LRMDA: variants seen among roughly 807,000 people sequenced by gnomAD.
LRMDA encodes the protein leucine rich melanocyte differentiation associated.
A neutral mutation model predicts 29.8 loss-of-function variants in LRMDA; 18 were observed. That is an observed-to-expected ratio of 0.60 (90% CI 0.42 to 0.90). LRMDA has a LOEUF of 0.90. Ranked by LOEUF, LRMDA falls within the 40% of genes least tolerant of loss-of-function variation. The pLI is 0.00. For missense variants in LRMDA, 273 were observed against 273.9 expected (o/e 1.00, Z 0.02); for synonymous variants, 125 against 109.4 (o/e 1.14, Z -0.89).
chr10:75,737,053 G>A (rs950366250), intron 2 of LRMDA, among the ~76,000 whole-genome samples: 6 of 150,702 alleles, frequency 4.0e-5, no homozygotes, highest in Non-Finnish European at 5.9e-5. Context: ...ACACATGCAC[G>A]CACGCACGCA....
chr10:75,590,849 G>A (rs986460606), intron 2 of LRMDA, among the ~76,000 whole-genome samples: 3 of 141,710 alleles, frequency 2.1e-5, no homozygotes, highest in African/African-American at 8.0e-5. Flanking sequence ...CCGGGTTCAA[G>A]TGGTTCTCCT....
At chr10:75,652,944 A>G (rs1174740808) in intron 2 of LRMDA, among the ~76,000 whole-genome samples, 1 of 152,212 alleles carries the variant, frequency 6.6e-6, no homozygotes, top group Non-Finnish European at 1.5e-5. Context: ...CTGCTAGAGA[A>G]GTGGTGACTA....
At chr10:76,168,550 AT>A (rs991703822) in intron 5 of LRMDA, among the ~76,000 whole-genome samples, 33 of 152,316 alleles carry the variant, frequency 2.2e-4, no homozygotes, top group African/African-American at 6.7e-4. Flanking sequence ...TGAATCATCA[AT>A]TTCAGTTTGT....
rs566105554 is a variant in LRMDA at position 76,085,289 on chromosome 10, A to G, written c.516+26506A>G. ...TACATCTGGGGACAAATAATCCGAA[A>G]CACAGATATTCAATGGGAGGAAGAT... On this transcript the variant is annotated intron_variant, in intron 5 of 6. Coordinates refer to ENST00000611255, the MANE Select transcript of LRMDA (RefSeq NM_001305581.2). 2.0e-5 allele frequency among the ~76,000 whole-genome samples: 3 copies of G among 152,330 alleles called. No individual in the cohort carries two copies. The South Asian group carries it at 6.2e-4, about 32-fold the overall frequency.
Position 75,672,528 on chromosome 10 carries a change from C to CCCTTCCCTT in LRMDA, c.131+234036_131+234037insTTCCCTTCC, listed in dbSNP as rs1564536262. ...CCTTGTATTTTTCTTTTCTTTTCCT[C>CCCTTCCCTT]CCCTCCCCTCCCCTCCCCTCCCCTC... On this transcript the variant is annotated intron_variant, in intron 2 of 6. Transcript: ENST00000611255. Among the ~76,000 whole-genome samples, 9 of 31,980 alleles carry CCCTTCCCTT rather than the reference C, an allele frequency of 2.8e-4. 1 individual carries two copies. Among genetic ancestry groups the CCCTTCCCTT allele is most frequent in the African/African-American group, 7.5e-4 (5 of 6,658 alleles). The allele number at this position is 31,980 out of a possible 152,430, so 21.0% of individuals were successfully genotyped here.
chr10:75,928,042 A>ACATCATCATCATCAT (rs3042520), intron 2 of LRMDA, among the ~76,000 whole-genome samples: 1 of 150,722 alleles, frequency 6.6e-6, no homozygotes, highest in African/African-American at 2.5e-5. Context: ...TTTTAGTTTA[A>ACATCATCATCATCAT]CATCATCATC....
At chr10:75,477,612 C>T (rs1844811534) in intron 2 of LRMDA, among the ~76,000 whole-genome samples, 2 of 152,328 alleles carry the variant, frequency 1.3e-5, no homozygotes, top group South Asian at 2.1e-4. Flanking sequence ...ACAGCCAAGT[C>T]CCCAGGCGCA....
At chr10:76,028,094 T>C (rs146730488) in intron 2 of LRMDA, among the ~76,000 whole-genome samples, 1 of 152,302 alleles carries the variant, frequency 6.6e-6, no homozygotes, top group East Asian at 1.9e-4. Context: ...TTAATATAAA[T>C]TGCCATCCAG....
intron 2 of LRMDA, among the ~76,000 whole-genome samples, chr10:75,693,531 C>T (rs1842196566): frequency 6.6e-6 from 1 of 152,200 alleles, no homozygotes; most frequent in Non-Finnish European, 1.5e-5. Context: ...CATAAAACTA[C>T]AAACTGAATC....
intron 2 of LRMDA, among the ~76,000 whole-genome samples, chr10:75,798,471 C>G (rs1843692753): frequency 6.6e-6 from 1 of 151,902 alleles, no homozygotes; most frequent in Non-Finnish European, 1.5e-5. Context: ...TGTTAATTTT[C>G]TCTATTGTTA....
chr10:76,260,723 T>G (rs1270509864), intron 5 of LRMDA: 1 of 152,226 alleles, frequency 6.6e-6, no homozygotes, highest in East Asian at 1.9e-4. Context: ...TCTGGATGTC[T>G]ATCTTTCTTC....
At chr10:76,354,331 C>G (rs1841213736) in intron 6 of LRMDA, among the ~76,000 whole-genome samples, 1 of 152,084 alleles carries the variant, frequency 6.6e-6, no homozygotes, top group Admixed American at 6.6e-5. Context: ...AAAGGTAAAC[C>G]AGATCTGAGT....
intron 5 of LRMDA, among the ~76,000 whole-genome samples, chr10:76,302,194 G>T (rs1840490093): frequency 6.6e-6 from 1 of 152,080 alleles, no homozygotes; most frequent in African/African-American, 2.4e-5. Flanking sequence ...AGATTTTCCA[G>T]CACAACTAAA....
At chr10:75,931,973 A>AGTGCC (rs1846212856) in intron 2 of LRMDA, among the ~76,000 whole-genome samples, 3 of 152,234 alleles carry the variant, frequency 2.0e-5, no homozygotes, top group Admixed American at 2.0e-4. Context: ...TCACACACAG[A>AGTGCC]GTGCCCAGCT....
In LRMDA at chr10:76,434,200, A is replaced by T. The variant is rs147045436; in HGVS notation, c.601+109715A>T. ...CTTTAATATCTTATTTTTCCAAAAC[A>T]TCAATGTCCTGATTATAGTGAACCT... On this transcript the variant is annotated intron_variant, in intron 6 of 6. Transcript: ENST00000611255. 3.4e-3 allele frequency among the ~76,000 whole-genome samples: 522 copies of T among 152,164 alleles called. 3 individuals carry two copies. The highest frequency in any genetic ancestry group is 0.012 in the African/African-American group (489 of 41,498).
chr10:76,530,787 G>T (rs943884957), intron 6 of LRMDA, among the ~76,000 whole-genome samples: 18 of 152,140 alleles, frequency 1.2e-4, no homozygotes, highest in Admixed American at 3.9e-4. Context: ...TTCCATGAAA[G>T]AATTCCATAA....
intron 5 of LRMDA, among the ~76,000 whole-genome samples, chr10:76,180,505 T>C (rs1851028214): frequency 6.6e-6 from 1 of 151,900 alleles, no homozygotes; most frequent in South Asian, 2.1e-4. Flanking sequence ...GGTCTCAAAC[T>C]CCTGACCTCG....
intron 5 of LRMDA, among the ~76,000 whole-genome samples, chr10:76,219,457 G>C (rs550794265): frequency 2.6e-5 from 4 of 152,104 alleles, no homozygotes; most frequent in African/African-American, 9.7e-5. Context: ...AAAGGCAGGG[G>C]TTGCAATCCT....
chr10:76,019,999 T>A (rs1036839371), intron 2 of LRMDA, among the ~76,000 whole-genome samples: 1 of 152,206 alleles, frequency 6.6e-6, no homozygotes, highest in African/African-American at 2.4e-5. Flanking sequence ...TCCCCTTGAT[T>A]CCACTCCAGA....
Sources: gnomAD v4.1 joint callset for allele counts (sites outside exome capture counted in the v4.1 genomes callset) on GRCh38, gnomAD v4.1.1 for gene constraint, MANE v1.5 for transcripts, NCBI Gene and HGNC (gene_info 2026-07-23, HGNC 2026-07-21) for gene names.